The following TMEM94 variants were observed in gnomAD, a reference collection of about 807,000 sequenced individuals.
TMEM94 encodes the protein ER Mg2+ ATPase.
A neutral mutation model predicts 158.6 loss-of-function variants in TMEM94; 81 were observed. The observed-to-expected ratio is 0.51, with a 90% CI of 0.43 to 0.61. TMEM94 has a LOEUF of 0.61. Among genes scored for constraint, TMEM94 ranks in the 20% least tolerant of loss-of-function variants. The pLI, the probability that TMEM94 is intolerant of heterozygous loss-of-function variation, is 0.00. For synonymous variants in TMEM94, 751 were observed against 730.7 expected, an observed-to-expected ratio of 1.03 and a Z score of -0.45; for missense variants, 1,435 against 1,762.0, an observed-to-expected ratio of 0.81 and a Z score of 3.32.
At chr17:75,478,296 C>G (rs1160476215) in intron 2 of TMEM94, among the ~76,000 whole-genome samples, 2 of 130,572 alleles carry the variant, frequency 1.5e-5, no homozygotes, top group Non-Finnish European at 3.1e-5. Context: ...GGATTACAGG[C>G]GTGAGCCACC....
At chr17:75,464,660 CTTCCTTCCTTCCTTCCTTCTTTCTTTCT>C (rs2050232757) in intron 1 of TMEM94, among the ~76,000 whole-genome samples, 1 of 115,162 alleles carries the variant, frequency 8.7e-6, no homozygotes, top group East Asian at 2.3e-4. Flanking sequence ...TCCTTCCTTC[CTTCCTTCCTTCCTTCCTTCTTTCTTTCT>C]TTCTTTCTTT....
Position 75,485,037 on chromosome 17 carries a change from A to T in TMEM94, c.25-391A>T, listed in dbSNP as rs1370123960. On this transcript the variant is annotated intron_variant, in intron 2 of 31. Transcript: ENST00000314256. The surrounding 1 kb of genome is among the most constrained non-coding windows in gnomAD (Gnocchi z 5.5). ...TAGGAGACTAAGCAAGACTCTATCTAAAAAAAAAAAAAAAAATTGTCCATG... is the reference window on the plus strand; with the variant it reads ...TAGGAGACTAAGCAAGACTCTATCTTAAAAAAAAAAAAAAAATTGTCCATG... Among the ~76,000 whole-genome samples, 1 of 124,472 alleles carries T rather than the reference A, an allele frequency of 8.0e-6. No homozygotes were observed. Among genetic ancestry groups the T allele is most frequent in the South Asian group, 2.3e-4 (1 of 4,314 alleles). 81.7% of individuals were successfully genotyped at this position (124,472 alleles called of 152,430 possible). A position where few individuals can be genotyped will look rare whatever the true frequency, so the allele number is the denominator to read the frequency against.
intron 1 of TMEM94, among the ~76,000 whole-genome samples, chr17:75,460,749 G>A (rs1310800303): frequency 6.6e-6 from 1 of 151,926 alleles, no homozygotes; most frequent in African/African-American, 2.4e-5. Context: ...TGTGCTCAAG[G>A]GATCTGCCTG....
chr17:75,461,863 G>C, intron 1 of TMEM94, among the ~76,000 whole-genome samples: 1 of 149,444 alleles, frequency 6.7e-6, no homozygotes. Context: ...ACAGTGAGTC[G>C]AGATCGTGCC....
chr17:75,486,727 G>A (rs891392946), intron 5 of TMEM94, among the ~76,000 whole-genome samples: 1 of 152,208 alleles, frequency 6.6e-6, no homozygotes, highest in African/African-American at 2.4e-5. Flanking sequence ...ATGGCAGGAG[G>A]ATGATTGAAG....
At position 75,489,387 on chromosome 17, in the gene TMEM94, TGCGGGGCTGC is replaced by T; in HGVS notation, c.867+20_867+29del. ...GGTCCTGGTGCGTGTGGCGGGGCTG[TGCGGGGCTGC>T]ATGGGGCAGAGGAGAGGGCTGGACA... On this transcript the variant is annotated intron_variant, in intron 8 of 31. Coordinates refer to ENST00000314256, the MANE Select transcript of TMEM94 (RefSeq NM_014738.6). The surrounding 1 kb of genome is among the most constrained non-coding windows in gnomAD (Gnocchi z 5.0). 2 of 1,610,066 alleles carry T rather than the reference TGCGGGGCTGC, an allele frequency of 1.2e-6. No individual in the cohort carries two copies. Among genetic ancestry groups the T allele is most frequent in the South Asian group, 2.2e-5 (2 of 90,986 alleles).
chr17:75,463,172 G>GTATATA (rs1358230546), intron 1 of TMEM94, among the ~76,000 whole-genome samples: 21 of 4,500 alleles, frequency 4.7e-3, no homozygotes, highest in African/African-American at 0.015. Flanking sequence ...GTGTGTGTGT[G>GTATATA]TGTGTGTATA....
At chr17:75,480,770 C>T (rs2051097725) in intron 2 of TMEM94, among the ~76,000 whole-genome samples, 1 of 152,232 alleles carries the variant, frequency 6.6e-6, no homozygotes, top group African/African-American at 2.4e-5. Context: ...GTTGCCTGGT[C>T]CTTCCTCTCT....
At chr17:75,469,843 T>C (rs1008534042) in intron 1 of TMEM94, among the ~76,000 whole-genome samples, 1 of 151,632 alleles carries the variant, frequency 6.6e-6, no homozygotes, top group Admixed American at 6.6e-5. Flanking sequence ...GAGGCCGAGG[T>C]GGGTGGATCA....
chr17:75,488,461 T>C (rs1292145837), intron 6 of TMEM94, among the ~76,000 whole-genome samples: 2 of 152,160 alleles, frequency 1.3e-5, no homozygotes, highest in East Asian at 3.9e-4. Flanking sequence ...TTTTATTTTT[T>C]GGTAGAGATG....
chr17:75,499,469 G>T lies in TMEM94; in HGVS notation c.*135G>T. Reference sequence around the variant, plus strand: ...CGTGGCACTGGAAACCCAGCTCCCCGTGTCAGACCCCGCTGTCTTCCTGAG... The same window carrying T: ...CGTGGCACTGGAAACCCAGCTCCCCTTGTCAGACCCCGCTGTCTTCCTGAG... On this transcript the variant is annotated 3_prime_UTR_variant, in exon 32 of 32. Coordinates refer to ENST00000314256, the MANE Select transcript of TMEM94 (RefSeq NM_014738.6). 1 of 792,876 alleles carries T rather than the reference G, an allele frequency of 1.3e-6. No individual in the cohort carries two copies. The allele number at this position is 792,876 out of a possible 1,614,324, so 49.1% of individuals were successfully genotyped here.
chr17:75,485,323 G>A lies in TMEM94; in HGVS notation c.25-105G>A. 1 of 1,335,706 alleles carries A rather than the reference G, an allele frequency of 7.5e-7. No homozygotes were observed. Among genetic ancestry groups the A allele is most frequent in the Non-Finnish European group, 1.0e-6 (1 of 969,394 alleles). The allele number at this position is 1,335,706 out of a possible 1,614,324, so 82.7% of individuals were successfully genotyped here. A position where few individuals can be genotyped will look rare whatever the true frequency, so the allele number is the denominator to read the frequency against. ...TAGGGGAAGAGATGTGAGGATCCCA[G>A]AGGAGGGGAAGGATGAAGGGCCAGG... On this transcript the variant is annotated intron_variant, in intron 2 of 31. Coordinates refer to ENST00000314256, the MANE Select transcript of TMEM94 (RefSeq NM_014738.6). This position sits in a 1 kb window ranked among gnomAD's most constrained non-coding sequence, Gnocchi z 5.5.
At position 75,496,767 on chromosome 17, in the gene TMEM94, T is replaced by C. The variant is rs755585012; in HGVS notation, c.3281T>C (p.Leu1094Pro). The change falls in exon 25 of 32, where the codon CTC (leucine) becomes CCC (proline). Residue 1094 changes from leucine to proline, a missense_variant. Leu to Pro is a moderately conservative substitution (Grantham distance 98). Coordinates refer to ENST00000314256, the MANE Select transcript of TMEM94 (RefSeq NM_014738.6). Reference sequence around the variant, plus strand: ...ACCTATGGCATCCGTAAGTGCTTCCTCTTCCTGCTGCAGTGCCAGCTGACT... The same window carrying C: ...ACCTATGGCATCCGTAAGTGCTTCCCCTTCCTGCTGCAGTGCCAGCTGACT... ...HATYGIRKCF[L>P]FLLQCQLTLV... 1.9e-6 allele frequency: 3 copies of C among 1,613,960 alleles called. No homozygotes were observed. In the Admixed American group the frequency reaches 5.0e-5, roughly 27 times the overall value.
At chr17:75,459,071 A>C (rs1031831086) in intron 1 of TMEM94, among the ~76,000 whole-genome samples, 5 of 144,486 alleles carry the variant, frequency 3.5e-5, no homozygotes, top group African/African-American at 5.2e-5. Flanking sequence ...AAAAAAAAAC[A>C]AAAAAAACAA....
intron 2 of TMEM94, among the ~76,000 whole-genome samples, chr17:75,477,953 G>A (rs2050804571): frequency 6.9e-6 from 1 of 145,054 alleles, no homozygotes; most frequent in Admixed American, 6.8e-5. Context: ...AGGTTGTGGT[G>A]AGCCATAGCA....
chr17:75,478,329 T>TAAA (rs57199058), intron 2 of TMEM94, among the ~76,000 whole-genome samples: 6 of 97,484 alleles, frequency 6.2e-5, no homozygotes, highest in African/African-American at 7.9e-5. Flanking sequence ...GACTCCATCT[T>TAAA]AAAAAAAAAA....
In TMEM94 at chr17:75,489,289, C is replaced by T; in HGVS notation, c.788C>T (p.Ser263Phe). 1 of 1,614,214 alleles carries T rather than the reference C, an allele frequency of 6.2e-7. No individual in the cohort carries two copies. Among genetic ancestry groups the T allele is most frequent in the Non-Finnish European group, 8.5e-7 (1 of 1,180,026 alleles). The change falls in exon 8 of 32, where the codon TCC becomes TTC. Residue 263 changes from serine to phenylalanine, a missense_variant. Around this residue, in one of 3 missense-constraint regions of TMEM94, gnomAD observed 1,051 missense variants for 1,254.4 expected, o/e 0.84. Transcript: ENST00000314256. The surrounding 1 kb of genome is among the most constrained non-coding windows in gnomAD (Gnocchi z 5.0). ...AGATGGTGCCTGGACATGGCCCTGT[C>T]CCGACCAGTCACTGCCCTGGACAAT... ...NIRWCLDMAL[S>F]RPVTALDNER...
At position 75,498,744 on chromosome 17, in the gene TMEM94, G is replaced by C; in HGVS notation, c.3827+22G>C. The C allele has an allele frequency of 6.5e-7, 1 of 1,539,980 alleles. No individual in the cohort carries two copies. Among genetic ancestry groups the C allele is most frequent in the Non-Finnish European group, 8.8e-7 (1 of 1,141,594 alleles). On this transcript the variant is annotated intron_variant, in intron 30 of 31. Transcript: ENST00000314256. This position sits in a 1 kb window ranked among gnomAD's most constrained non-coding sequence, Gnocchi z 6.7. ...TGGTGTGAGTATTGCTAGGATGGAG[G>C]GCGGAGTGTGGGCTGGGGAGGAGAG...
At chr17:75,482,665 A>T (rs2051273246) in intron 2 of TMEM94, among the ~76,000 whole-genome samples, 1 of 152,170 alleles carries the variant, frequency 6.6e-6, no homozygotes, top group African/African-American at 2.4e-5. Flanking sequence ...TGTGGTGTCT[A>T]AGATTTTGGG....
Sources: gnomAD v4.1 joint callset for allele counts (sites outside exome capture counted in the v4.1 genomes callset) on GRCh38, gnomAD v4.1.1 for gene constraint, gnomAD v4.1.1 regional missense constraint, Gnocchi (gnomAD v3.1) non-coding constraint, MANE v1.5 for transcripts, NCBI Gene and HGNC (gene_info 2026-07-23, HGNC 2026-07-21) for gene names.